The following SCTR variants were observed in gnomAD, a reference collection of about 807,000 sequenced individuals.
SCTR encodes the protein secretin receptor.
In SCTR, 56 loss-of-function variants were observed where a neutral mutation model predicts 60.8. That is an observed-to-expected ratio of 0.92 (90% CI 0.74 to 1.15). The LOEUF is 1.15. SCTR is among the 50% of genes most tolerant of loss of function. The probability of loss-of-function intolerance (pLI) is 0.00; values close to 1 mark genes in which losing one functional copy is unlikely to be tolerated. For missense variants in SCTR, 562 were observed against 550.4 expected (o/e 1.02, Z -0.21); for synonymous variants, 202 against 217.0 (o/e 0.93, Z 0.61).
rs1029054950 is a variant in SCTR at position 119,494,531 on chromosome 2, T to C, written c.90A>G (p.Arg30=). 1 of 1,613,938 alleles carries C rather than the reference T, an allele frequency of 6.2e-7. No homozygotes were observed. The highest frequency in any genetic ancestry group is 1.6e-4 in the Middle Eastern group (1 of 6,062). Residue 30 remains arginine, a synonymous_variant, in exon 2 of 13, where the codon CGA becomes CGG. Transcript: ENST00000019103. ...CAAHSTGALP[R]LCDVLQVLWE... is the part of the protein sequence containing the mutation. ...ACAGCACTTGTAGCACGTCACATAG[T>C]CGGGGAAGGGCTCCAGTCTGCAAGT...
Position 119,464,148 on chromosome 2 carries a change from T to C in SCTR, c.611A>G (p.Asp204Gly), listed in dbSNP as rs753538411. 1 of 1,614,002 alleles carries C rather than the reference T, an allele frequency of 6.2e-7. No homozygotes were observed. The highest frequency in any genetic ancestry group is 8.5e-7 in the Non-Finnish European group (1 of 1,180,022). ...IKDAVLFSSDDVTYCDAHRAG... is the reference protein window; with the variant it reads ...IKDAVLFSSDGVTYCDAHRAG... Reference sequence around the variant, plus strand: ...CCTGTGGGCATCGCAGTAGGTGACATCATCTGAGGAGAAGAGCACGGCGTC... The same window carrying C: ...CCTGTGGGCATCGCAGTAGGTGACACCATCTGAGGAGAAGAGCACGGCGTC... Residue 204 changes from aspartate (D) to glycine (G), a missense_variant, in exon 6 of 13, where the codon GAT becomes GGT. Coordinates refer to ENST00000019103, the MANE Select transcript of SCTR (RefSeq NM_002980.3).
intron 2 of SCTR, chr2:119,479,205 C>G: frequency 9.1e-7 from 1 of 1,098,306 alleles, no homozygotes; most frequent in African/African-American, 1.6e-5. Flanking sequence ...ATAAGCTTTG[C>G]AAGTAAAGGT....
Position 119,524,435 on chromosome 2 carries a change from T to C in SCTR, c.-209A>G, listed in dbSNP as rs1339086830. ...GCGCGCGCTAAGCCGCCCGCCCCATTGATCAGGACGCGGCTTTGCCGGCGC... is the reference window on the plus strand; with the variant it reads ...GCGCGCGCTAAGCCGCCCGCCCCATCGATCAGGACGCGGCTTTGCCGGCGC... On this transcript the variant is annotated 5_prime_UTR_variant, in exon 1 of 13. Coordinates refer to ENST00000019103, the MANE Select transcript of SCTR (RefSeq NM_002980.3). 2 of 375,672 alleles carry C rather than the reference T, an allele frequency of 5.3e-6. No homozygotes were observed. Among genetic ancestry groups the C allele is most frequent in the Non-Finnish European group, 9.4e-6 (2 of 212,622 alleles). The allele number at this position is 375,672 out of a possible 1,614,324, so 23.3% of individuals were successfully genotyped here.
chr2:119,516,494 T>C (rs1357816173), intron 1 of SCTR, among the ~76,000 whole-genome samples: 2 of 152,038 alleles, frequency 1.3e-5, no homozygotes, highest in African/African-American at 4.8e-5. Context: ...ATCTTACTTA[T>C]ATGTGGAATA....
intron 11 of SCTR, among the ~76,000 whole-genome samples, chr2:119,442,153 G>C (rs1021183273): frequency 6.6e-6 from 1 of 152,212 alleles, no homozygotes; most frequent in African/African-American, 2.4e-5. Context: ...GTGCACCTCC[G>C]TGCTCAGAGT....
Position 119,509,853 on chromosome 2 carries a change from C to T in SCTR, c.72+14302G>A, listed in dbSNP as rs557143294. 3.9e-5 allele frequency among the ~76,000 whole-genome samples: 6 copies of T among 152,224 alleles called. No individual in the cohort carries two copies. The East Asian group carries it at 1.2e-3, about 29-fold the overall frequency. Reference sequence around the variant, plus strand: ...CCCCTGGTAACCTCTATTCTACTTTCTGACTCTAAGAATTTGCCTATTCTA... The same window carrying T: ...CCCCTGGTAACCTCTATTCTACTTTTTGACTCTAAGAATTTGCCTATTCTA... On this transcript the variant is annotated intron_variant, in intron 1 of 12. Transcript: ENST00000019103.
At chr2:119,461,532 C>T (rs767578620) in intron 7 of SCTR, among the ~76,000 whole-genome samples, 3 of 152,158 alleles carry the variant, frequency 2.0e-5, no homozygotes, top group Non-Finnish European at 4.4e-5. Flanking sequence ...ACCAACAGGG[C>T]GAAACCCTGT....
chr2:119,499,879 C>G (rs1340429986), intron 1 of SCTR, among the ~76,000 whole-genome samples: 1 of 151,954 alleles, frequency 6.6e-6, no homozygotes, highest in Admixed American at 6.6e-5. Context: ...TCTCACAATT[C>G]TTATGCAACA....
At chr2:119,487,035 AAAAGCAGAC>A (rs1175464163) in intron 2 of SCTR, 1 of 152,262 alleles carries the variant, frequency 6.6e-6, no homozygotes, top group Non-Finnish European at 1.5e-5. Flanking sequence ...TATTCTCGGC[AAAAGCAGAC>A]AGACACAAAA....
intron 7 of SCTR, among the ~76,000 whole-genome samples, chr2:119,460,661 T>A (rs1683567182): frequency 6.6e-6 from 1 of 152,182 alleles, no homozygotes; most frequent in Non-Finnish European, 1.5e-5. Flanking sequence ...CTGAATCCAA[T>A]GCCTGGCACA....
intron 4 of SCTR, among the ~76,000 whole-genome samples, chr2:119,466,382 A>C (rs1158157263): frequency 3.9e-5 from 6 of 152,214 alleles, no homozygotes; most frequent in Admixed American, 1.3e-4. Context: ...TACAAAGGTC[A>C]TACAGGGAGG....
chr2:119,469,841 T>C (rs1036021596), intron 4 of SCTR, among the ~76,000 whole-genome samples: 1 of 152,102 alleles, frequency 6.6e-6, no homozygotes, highest in Admixed American at 6.5e-5. Context: ...CTGGAGGACA[T>C]GGGGCCCAGA....
chr2:119,444,266 T>TAC lies in SCTR; in HGVS notation c.1140+2491_1140+2492dup, dbSNP rs34609750. Among the ~76,000 whole-genome samples the TAC allele has an allele frequency of 7.8e-3, 571 of 72,952 alleles. 54 individuals carry two copies. The highest frequency in any genetic ancestry group is 0.03 in the African/African-American group (482 of 16,182). 47.9% of individuals were successfully genotyped at this position (72,952 alleles called of 152,430 possible). ...ATATACACATATACATATGAATATA[T>TAC]ACATATATACATATGAATATATACA... On this transcript the variant is annotated intron_variant, in intron 11 of 12. Transcript: ENST00000019103.
Position 119,464,225 on chromosome 2 carries a change from G to A in SCTR, c.534C>T (p.His178=), listed in dbSNP as rs1683736134. The A allele has an allele frequency of 6.2e-7, 1 of 1,614,106 alleles. No individual in the cohort carries two copies. The highest frequency in any genetic ancestry group is 8.5e-7 in the Non-Finnish European group (1 of 1,180,040). The change falls in exon 6 of 13, where the codon CAC becomes CAT. Residue 178 remains histidine, a synonymous_variant. Coordinates refer to ENST00000019103, the MANE Select transcript of SCTR (RefSeq NM_002980.3). ...GGATGAAGGACACGAACAGGTGCATGTGGATGTAGTTGCGAGTGCAGTGGA... is the reference window on the plus strand; with the variant it reads ...GGATGAAGGACACGAACAGGTGCATATGGATGTAGTTGCGAGTGCAGTGGA... ...RRLHCTRNYI[H]MHLFVSFILR...
intron 2 of SCTR, chr2:119,486,289 T>G (rs1348968678): frequency 1.3e-5 from 2 of 151,824 alleles, no homozygotes; most frequent in Non-Finnish European, 2.9e-5. Context: ...CTACATGAGA[T>G]GAAGAACCCT....
chr2:119,492,912 T>C (rs1486522124), intron 2 of SCTR, among the ~76,000 whole-genome samples: 1 of 151,950 alleles, frequency 6.6e-6, no homozygotes, highest in Non-Finnish European at 1.5e-5. Context: ...TCACCCAGGC[T>C]GGAGTGCAAT....
chr2:119,442,870 C>T (rs1682707462), intron 11 of SCTR, among the ~76,000 whole-genome samples: 1 of 152,142 alleles, frequency 6.6e-6, no homozygotes, highest in Non-Finnish European at 1.5e-5. Context: ...AAAGGCACTT[C>T]AAGGCAGGCT....
intron 9 of SCTR, among the ~76,000 whole-genome samples, chr2:119,450,692 A>G (rs1486091915): frequency 6.6e-6 from 1 of 152,140 alleles, no homozygotes; most frequent in Admixed American, 6.5e-5. Flanking sequence ...ATTTTGTGCC[A>G]GGCACAGTGG....
intron 2 of SCTR, among the ~76,000 whole-genome samples, chr2:119,481,271 A>C (rs1276813308): frequency 1.3e-5 from 2 of 152,170 alleles, no homozygotes; most frequent in African/African-American, 2.4e-5. Flanking sequence ...CATCAATCTG[A>C]CCAGACCCAA....
Sources: allele counts gnomAD v4.1 joint callset (sites outside exome capture counted in the v4.1 genomes callset), GRCh38; gene constraint gnomAD v4.1.1; transcripts MANE v1.5; gene names NCBI Gene and HGNC (gene_info 2026-07-23, HGNC 2026-07-21).